Variants in ARHGAP32 observed in about 807,000 individuals in gnomAD.
ARHGAP32 encodes rho GTPase-activating protein 32.
In ARHGAP32, 51 loss-of-function variants were observed where a neutral mutation model predicts 186.5. That is an observed-to-expected ratio of 0.27 (90% CI 0.22 to 0.35). The LOEUF (loss-of-function observed/expected upper bound fraction) is 0.35, where lower values mean the gene tolerates loss of function less well. ARHGAP32 is among the 10% of genes least tolerant of loss of function. The pLI is 1.00. For synonymous variants in ARHGAP32, 950 were observed against 964.3 expected, an observed-to-expected ratio of 0.99 and a Z score of 0.27; for missense variants, 2,186 against 2,623.5, an observed-to-expected ratio of 0.83 and a Z score of 3.64.
At chr11:129,113,073 T>C (rs1396986451) in intron 5 of ARHGAP32, among the ~76,000 whole-genome samples, 1 of 152,182 alleles carries the variant, frequency 6.6e-6, no homozygotes, top group African/African-American at 2.4e-5. Context: ...CTTATTACAA[T>C]GTCATGACTT....
intron 1 of ARHGAP32, among the ~76,000 whole-genome samples, chr11:129,249,350 T>C (rs1240200712): frequency 6.6e-6 from 1 of 152,124 alleles, no homozygotes; most frequent in African/African-American, 2.4e-5. Flanking sequence ...CATACATATA[T>C]ACATACACCA....
intron 1 of ARHGAP32, among the ~76,000 whole-genome samples, chr11:129,225,202 G>C (rs1434231625): frequency 1.3e-5 from 2 of 152,104 alleles, no homozygotes; most frequent in East Asian, 3.8e-4. Context: ...TAATGAAAAA[G>C]CTTAAAAGAA....
At chr11:129,014,315 G>C (rs998090144) in intron 11 of ARHGAP32, among the ~76,000 whole-genome samples, 1 of 152,118 alleles carries the variant, frequency 6.6e-6, no homozygotes, top group African/African-American at 2.4e-5. Flanking sequence ...TAAAAAACAT[G>C]CAGTTCGTTA....
In ARHGAP32 at chr11:128,986,079, C is replaced by A. The variant is rs1297656821; in HGVS notation, c.1450G>T (p.Val484Phe). 1 of 1,604,576 alleles carries A rather than the reference C, an allele frequency of 6.2e-7. No homozygotes were observed. Among genetic ancestry groups the A allele is most frequent in the Non-Finnish European group, 8.5e-7 (1 of 1,176,932 alleles). The part of the protein sequence containing the change: ...YQLYEKFSDA[V>F]SAATDEERLI... ...CTTTCTTCATCTGTTGCTGCTGAAA[C>A]TGCATCCTAGAAGAGTCACAGTACA... The change falls in exon 15 of 23, where the codon GTT (valine) becomes TTT (phenylalanine). Residue 484 changes from valine to phenylalanine, a missense_variant. This residue lies in a region of ARHGAP32 where 308 missense variants were observed against 596.5 expected (regional missense o/e 0.52). Coordinates refer to ENST00000682385, the MANE Select transcript of ARHGAP32 (RefSeq NM_001378024.1).
chr11:129,067,076 A>G (rs1458813482), intron 6 of ARHGAP32, among the ~76,000 whole-genome samples: 28 of 151,972 alleles, frequency 1.8e-4, no homozygotes, highest in Admixed American at 1.8e-3. Flanking sequence ...AATAAGATAG[A>G]ACTCTCCACC....
rs545946576 is a variant in ARHGAP32 at position 129,073,855 on chromosome 11, C to T, written c.532-6987G>A. 3.9e-3 allele frequency among the ~76,000 whole-genome samples: 593 copies of T among 151,686 alleles called. 2 individuals carry two copies. The highest frequency in any genetic ancestry group is 0.014 in the African/African-American group (567 of 41,394). ...AAGCTGGGAGTTTGCGGGGGAAACA[C>T]CTTACCTATAGAGGGTCAAAATCGG... On this transcript the variant is annotated intron_variant, in intron 6 of 22. Coordinates refer to ENST00000682385, the MANE Select transcript of ARHGAP32 (RefSeq NM_001378024.1).
chr11:129,115,298 T>C (rs986058), intron 5 of ARHGAP32, among the ~76,000 whole-genome samples: 28,420 of 152,110 alleles, frequency 0.19, 2,827 homozygotes, highest in Non-Finnish European at 0.21. Context: ...ACATCTTACA[T>C]GGTTAATAAG....
In ARHGAP32 at chr11:128,974,989, G is replaced by C. The variant is rs748022938; in HGVS notation, c.2208C>G (p.Leu736=). 1.0e-5 allele frequency: 16 copies of C among 1,606,784 alleles called. No homozygotes were observed. The South Asian group carries it at 1.8e-4, about 18-fold the overall frequency. ...AAGATCTGGGTCTTCTGGGTCGGAAGAGCTTAGAATCACCTGGAAAAAATG... is the reference window on the plus strand; with the variant it reads ...AAGATCTGGGTCTTCTGGGTCGGAACAGCTTAGAATCACCTGGAAAAAATG... ...SLHAVDGDSK[L]FRPRRPRSSS... is the part of the protein sequence containing the mutation. Residue 736 remains leucine, a synonymous_variant, in exon 21 of 23, where the codon CTC becomes CTG. Coordinates refer to ENST00000682385, the MANE Select transcript of ARHGAP32 (RefSeq NM_001378024.1).
intron 1 of ARHGAP32, among the ~76,000 whole-genome samples, chr11:129,261,545 A>G (rs1211262657): frequency 6.6e-6 from 1 of 152,172 alleles, no homozygotes; most frequent in African/African-American, 2.4e-5. Context: ...TCAGTTGTCT[A>G]TGTGTGCAAG....
chr11:129,184,839 G>C (rs1307236336), intron 1 of ARHGAP32, among the ~76,000 whole-genome samples: 3 of 152,146 alleles, frequency 2.0e-5, no homozygotes, highest in Non-Finnish European at 4.4e-5. Context: ...ATTGGCATTT[G>C]AGCTTATACA....
chr11:129,017,089 T>G (rs1322251222), intron 11 of ARHGAP32, among the ~76,000 whole-genome samples: 1 of 152,220 alleles, frequency 6.6e-6, no homozygotes, highest in Non-Finnish European at 1.5e-5. Context: ...GGTTCCAATC[T>G]TGCCTCTGCA....
chr11:129,221,523 GTGTGTGTGTGTTTA>G (rs1565472439), intron 1 of ARHGAP32, among the ~76,000 whole-genome samples: 1 of 123,724 alleles, frequency 8.1e-6, no homozygotes, highest in Non-Finnish European at 1.8e-5. Flanking sequence ...GTGTGTGTGT[GTGTGTGTGTGTTTA>G]TGGTAAAAAT....
intron 6 of ARHGAP32, among the ~76,000 whole-genome samples, chr11:129,076,447 A>C (rs953073970): frequency 2.6e-5 from 4 of 152,210 alleles, no homozygotes; most frequent in Non-Finnish European, 4.4e-5. Context: ...TAATGAGACC[A>C]CAAGGAATTA....
At chr11:129,092,266 A>G (rs146888092) in intron 6 of ARHGAP32, among the ~76,000 whole-genome samples, 1 of 152,058 alleles carries the variant, frequency 6.6e-6, no homozygotes, top group African/African-American at 2.4e-5. Flanking sequence ...TGCTTTGTTC[A>G]TAAGAAAAAG....
chr11:129,104,091 T>C (rs1941981233), intron 5 of ARHGAP32, among the ~76,000 whole-genome samples: 2 of 151,978 alleles, frequency 1.3e-5, no homozygotes, highest in South Asian at 2.1e-4. Flanking sequence ...TAAACTATCA[T>C]GTAAAAATAA....
intron 7 of ARHGAP32, among the ~76,000 whole-genome samples, chr11:129,065,198 T>C (rs990912339): frequency 2.0e-5 from 3 of 152,136 alleles, no homozygotes; most frequent in Admixed American, 2.0e-4. Context: ...CTTTCTATTT[T>C]TGTACTGAAT....
chr11:129,268,971 G>T (rs1262301928), intron 1 of ARHGAP32, among the ~76,000 whole-genome samples: 1 of 152,170 alleles, frequency 6.6e-6, no homozygotes, highest in African/African-American at 2.4e-5. Flanking sequence ...AGAGAGGGGG[G>T]TTATAAATTA....
At chr11:129,278,740 G>C (rs555180573) in intron 1 of ARHGAP32, among the ~76,000 whole-genome samples, 2 of 151,634 alleles carry the variant, frequency 1.3e-5, no homozygotes, top group Non-Finnish European at 2.9e-5. Flanking sequence ...TGTCGCCCGC[G>C]GGCAGCGGAG....
In ARHGAP32 at chr11:128,965,657, G is replaced by A. The variant is rs1945206899; in HGVS notation, c.*3250C>T. ...ACATGCCTCTAACCATGTGGAAGAA[G>A]TAACTGTCTGACATACTTTTGCTTT... On this transcript the variant is annotated 3_prime_UTR_variant, in exon 23 of 23. Transcript: ENST00000682385. The A allele has an allele frequency of 6.6e-6, 1 of 152,190 alleles. No individual in the cohort carries two copies. The highest frequency in any genetic ancestry group is 1.5e-5 in the Non-Finnish European group (1 of 68,046). The allele number at this position is 152,190 out of a possible 1,614,324, so 9.4% of individuals were successfully genotyped here. A position where few individuals can be genotyped will look rare whatever the true frequency, so the allele number is the denominator to read the frequency against.
Sources: gnomAD v4.1 joint callset for allele counts (sites outside exome capture counted in the v4.1 genomes callset) on GRCh38, gnomAD v4.1.1 for gene constraint, gnomAD v4.1.1 regional missense constraint, MANE v1.5 for transcripts, NCBI Gene and HGNC (gene_info 2026-07-23, HGNC 2026-07-21) for gene names.